Variants in CHD1L observed in about 807,000 individuals in gnomAD.
CHD1L encodes chromodomain helicase DNA binding protein 1 like.
In CHD1L, 118 loss-of-function variants were observed where a neutral mutation model predicts 115.9. The ratio of observed to expected loss-of-function variants is 1.02; its 90% CI spans 0.88 to 1.19. The LOEUF (loss-of-function observed/expected upper bound fraction) is 1.19, where lower values mean the gene tolerates loss of function less well. Ranked by LOEUF, CHD1L falls within the 50% of genes most tolerant of loss-of-function variation. CHD1L has a pLI of 0.00. For missense variants in CHD1L, 1,179 were observed against 1,065.3 expected (o/e 1.11, Z -1.49); for synonymous variants, 411 against 387.1 (o/e 1.06, Z -0.72).
chr1:147,182,341 C>CTA, the CHD1L span, among the ~76,000 whole-genome samples: 60 of 152,302 alleles, frequency 3.9e-4, 1 homozygote, highest in Non-Finnish European at 6.9e-4. Context: ...CATATAATGG[C>CTA]TATAGCTACA....
At chr1:147,240,257 G>T (rs1403407453), upstream of CHD1L, among the ~76,000 whole-genome samples, 1 of 152,204 alleles carries the variant, frequency 6.6e-6, no homozygotes, top group Non-Finnish European at 1.5e-5. Context: ...CCTGAAACAT[G>T]GGCTGTGTCC....
At chr1:147,254,260 G>A (rs587643486) in intron 2 of CHD1L, among the ~76,000 whole-genome samples, 18 of 152,040 alleles carry the variant, frequency 1.2e-4, no homozygotes, top group African/African-American at 4.4e-4. Flanking sequence ...TGTTTTCCCC[G>A]TTAGAATGTG....
At chr1:147,253,143 G>A (rs1668952118) in intron 2 of CHD1L, among the ~76,000 whole-genome samples, 2 of 152,200 alleles carry the variant, frequency 1.3e-5, no homozygotes, top group South Asian at 2.1e-4. Flanking sequence ...AGCTGGCCTT[G>A]TAGAATGAGT....
chr1:147,293,345 T>TCTC (rs1686306658), intron 20 of CHD1L, among the ~76,000 whole-genome samples: 1 of 151,602 alleles, frequency 6.6e-6, no homozygotes, highest in Non-Finnish European at 1.5e-5. Flanking sequence ...TTTTGGAAAG[T>TCTC]ATATGTTTTG....
At chr1:147,269,027 C>T (rs1219650161) in intron 10 of CHD1L, 149 bp downstream of exon 10, 2 of 558,648 alleles carry the variant, frequency 3.6e-6, no homozygotes, top group Non-Finnish European at 6.5e-6. Context: ...ACTACACTCC[C>T]ACCCCATTCT....
chr1:147,286,214 G>A (rs1553965509), intron 17 of CHD1L, 84 bp from the exon 18 acceptor site: 57 of 1,294,080 alleles, frequency 4.4e-5, no homozygotes, highest in Non-Finnish European at 3.2e-6. Flanking sequence ...GGCAGATATT[G>A]TTTGTGAACA....
At chr1:147,279,957 C>T in intron 14 of CHD1L, 69 bp from the exon 15 acceptor site, 1 of 1,534,934 alleles carries the variant, frequency 6.5e-7, no homozygotes. Context: ...ATCCACTTAG[C>T]CAATCACTGA....
the CHD1L span, chr1:147,204,233 A>T: frequency 2.3e-6 from 3 of 1,319,892 alleles, no homozygotes; most frequent in Admixed American, 5.0e-5. Context: ...TGCATCTTTG[A>T]CAGATGTACA....
chr1:147,289,458 G>A (rs781908418), intron 19 of CHD1L, among the ~76,000 whole-genome samples: 2 of 152,178 alleles, frequency 1.3e-5, no homozygotes, highest in Non-Finnish European at 2.9e-5. Flanking sequence ...AAAAGGCCAT[G>A]GATTTTGACC....
chr1:147,235,117 G>A, the CHD1L span, among the ~76,000 whole-genome samples: 1 of 150,892 alleles, frequency 6.6e-6, no homozygotes, highest in African/African-American at 2.5e-5. Context: ...GTGTGTGTGT[G>A]TGTGTATGTG....
chr1:147,289,722 A>T lies in CHD1L; in HGVS notation c.2321-1760A>T, dbSNP rs1292089097. Among the ~76,000 whole-genome samples, 3 of 152,236 alleles carry T rather than the reference A, an allele frequency of 2.0e-5. No homozygotes were observed. The East Asian group carries it at 5.8e-4, about 29-fold the overall frequency. On this transcript the variant is annotated intron_variant, in intron 19 of 22. Transcript: ENST00000369258. ...AAGAGGATCCCCAACTGCTCATTAC[A>T]ACACTTACTATTCCTTGTCTGTGGG...
At chr1:147,259,976 A>G in intron 6 of CHD1L, 58 bp downstream of exon 6, 2 of 1,297,288 alleles carry the variant, frequency 1.5e-6, no homozygotes, top group Non-Finnish European at 2.2e-6. Flanking sequence ...AATATACATT[A>G]TATTTTAGAG....
intron 13 of CHD1L, among the ~76,000 whole-genome samples, chr1:147,275,758 G>T (rs1403202544): frequency 1.4e-5 from 2 of 145,274 alleles, no homozygotes; most frequent in East Asian, 4.0e-4. Context: ...TAAAAAATGG[G>T]GTTATGGGGC....
chr1:147,188,237 A>G, the CHD1L span, among the ~76,000 whole-genome samples: 1 of 152,130 alleles, frequency 6.6e-6, no homozygotes, highest in Non-Finnish European at 1.5e-5. Flanking sequence ...TATACTATTC[A>G]TGAGGTTGGG....
chr1:147,265,399 T>C (rs1673502458), intron 7 of CHD1L, among the ~76,000 whole-genome samples: 2 of 152,240 alleles, frequency 1.3e-5, no homozygotes, highest in Admixed American at 6.5e-5. Context: ...ACTGGGCATC[T>C]GTATTTCCAT....
At chr1:147,217,024 TG>T in the CHD1L span, among the ~76,000 whole-genome samples, 3 of 152,110 alleles carry the variant, frequency 2.0e-5, no homozygotes, top group African/African-American at 7.2e-5. Flanking sequence ...GTAGATCATC[TG>T]AGGTCGGGAG....
chr1:147,245,208 C>G (rs1040276590), intron 1 of CHD1L, among the ~76,000 whole-genome samples: 1 of 152,200 alleles, frequency 6.6e-6, no homozygotes, highest in African/African-American at 2.4e-5. Context: ...CCAGACCCCA[C>G]TGTAGTTTGG....
At chr1:147,240,221 G>GT (rs1252898818), upstream of CHD1L, among the ~76,000 whole-genome samples, 4 of 152,210 alleles carry the variant, frequency 2.6e-5, no homozygotes, top group Admixed American at 6.5e-5. Context: ...CTGTTAATCT[G>GT]TAACCCTACC....
intron 9 of CHD1L, among the ~76,000 whole-genome samples, chr1:147,268,369 G>C (rs1674798670): frequency 1.3e-5 from 2 of 152,144 alleles, no homozygotes; most frequent in Admixed American, 6.5e-5. Flanking sequence ...CTGCCAAATA[G>C]TGCTAAGAAC....
Sources: gnomAD v4.1 joint callset for allele counts (sites outside exome capture counted in the v4.1 genomes callset) on GRCh38, gnomAD v4.1.1 for gene constraint, MANE v1.5 for transcripts, NCBI Gene and HGNC (gene_info 2026-07-23, HGNC 2026-07-21) for gene names.